Variants in ZNF804B observed in about 807,000 individuals in gnomAD.
ZNF804B encodes the protein zinc finger 804B.
Under a neutral mutation model 101.4 loss-of-function variants are expected in ZNF804B, and 80 were observed. The observed-to-expected ratio is 0.79, with a 90% CI of 0.66 to 0.95. The LOEUF is 0.95. Among genes scored for constraint, ZNF804B ranks in the 40% least tolerant of loss-of-function variants. ZNF804B has a pLI of 0.00. For synonymous variants in ZNF804B, 622 were observed against 558.8 expected (o/e 1.11, Z -1.59); for missense variants, 1,673 against 1,561.9 (o/e 1.07, Z -1.20).
intron 1 of ZNF804B, among the ~76,000 whole-genome samples, chr7:89,126,369 C>T (rs145799930): frequency 2.6e-5 from 4 of 151,914 alleles, no homozygotes; most frequent in East Asian, 3.9e-4. Context: ...TGAATTACAC[C>T]GTCTTGAGAC....
chr7:88,841,048 T>G (rs1320189637), intron 1 of ZNF804B, among the ~76,000 whole-genome samples: 1 of 152,188 alleles, frequency 6.6e-6, no homozygotes, highest in African/African-American at 2.4e-5. Context: ...ACTCAACTCT[T>G]ATCTATCTTC....
At chr7:89,275,516 C>T (rs1789967633) in intron 2 of ZNF804B, among the ~76,000 whole-genome samples, 1 of 151,922 alleles carries the variant, frequency 6.6e-6, no homozygotes, top group African/African-American at 2.4e-5. Context: ...CATCAACCTT[C>T]TAGCTACTCT....
intron 1 of ZNF804B, among the ~76,000 whole-genome samples, chr7:88,801,697 A>C (rs1562797811): frequency 6.6e-6 from 1 of 152,128 alleles, no homozygotes; most frequent in Non-Finnish European, 1.5e-5. Flanking sequence ...GTGAAGAAAA[A>C]ATTTTAAAAA....
chr7:89,096,379 G>A (rs1023628558), intron 1 of ZNF804B, among the ~76,000 whole-genome samples: 1 of 152,054 alleles, frequency 6.6e-6, no homozygotes, highest in African/African-American at 2.4e-5. Flanking sequence ...GGAAAGAGTT[G>A]CCCCAGGACT....
intron 1 of ZNF804B, among the ~76,000 whole-genome samples, chr7:89,145,620 C>T (rs1011364637): frequency 6.6e-6 from 1 of 151,872 alleles, no homozygotes; most frequent in Non-Finnish European, 1.5e-5. Flanking sequence ...CTAATTGTAA[C>T]CTTAAATGAA....
At chr7:88,848,583 A>C (rs1210522682) in intron 1 of ZNF804B, among the ~76,000 whole-genome samples, 1 of 150,838 alleles carries the variant, frequency 6.6e-6, no homozygotes, top group African/African-American at 2.4e-5. Flanking sequence ...ATTGTAAAGT[A>C]TATTTAGATT....
chr7:89,115,904 G>T (rs28459048), intron 1 of ZNF804B, among the ~76,000 whole-genome samples: 63 of 146,108 alleles, frequency 4.3e-4, no homozygotes, highest in East Asian at 3.7e-3. Flanking sequence ...AGGTTTTTTT[G>T]TTTTTTTTTT....
In ZNF804B at chr7:89,024,387, C is replaced by A. The variant is rs150830925; in HGVS notation, c.109-193768C>A. On this transcript the variant is annotated intron_variant, in intron 1 of 3. Coordinates refer to ENST00000333190, the MANE Select transcript of ZNF804B (RefSeq NM_181646.5). ...ATTTTAGCTCACAAACTTAGTGTTT[C>A]CCTTCCTTTTATATGTCATGAAACA... Among the ~76,000 whole-genome samples the A allele has an allele frequency of 3.4e-3, 520 of 152,122 alleles. 2 individuals are homozygous for A. Among genetic ancestry groups the A allele is most frequent in the African/African-American group, 0.012 (503 of 41,518 alleles).
At chr7:88,812,565 A>G (rs1016969486) in intron 1 of ZNF804B, among the ~76,000 whole-genome samples, 2 of 152,194 alleles carry the variant, frequency 1.3e-5, no homozygotes, top group African/African-American at 4.8e-5. Context: ...TTGCCCACCC[A>G]TGTTTATACC....
chr7:89,279,168 A>G (rs1191084095), intron 2 of ZNF804B, among the ~76,000 whole-genome samples: 1 of 152,034 alleles, frequency 6.6e-6, no homozygotes, highest in African/African-American at 2.4e-5. Context: ...TTATTGGTGT[A>G]TAAGAATGCT....
At chr7:88,946,641 CT>C (rs1269315100) in intron 1 of ZNF804B, among the ~76,000 whole-genome samples, 1 of 150,222 alleles carries the variant, frequency 6.7e-6, no homozygotes. Flanking sequence ...AGGAGTCCCT[CT>C]TTTTCTATTC....
chr7:89,056,962 G>A (rs1789305896), intron 1 of ZNF804B, among the ~76,000 whole-genome samples: 1 of 152,124 alleles, frequency 6.6e-6, no homozygotes. Context: ...GCTAAAGTGT[G>A]AAGATCGTTG....
intron 1 of ZNF804B, among the ~76,000 whole-genome samples, chr7:89,078,214 C>T (rs941944713): frequency 1.3e-5 from 2 of 152,050 alleles, no homozygotes; most frequent in Non-Finnish European, 2.9e-5. Flanking sequence ...TTCAGACTTG[C>T]TCAGTAATTT....
intron 1 of ZNF804B, among the ~76,000 whole-genome samples, chr7:89,145,561 C>A (rs559124802): frequency 1.6e-3 from 237 of 152,166 alleles, no homozygotes; most frequent in African/African-American, 5.4e-3. Flanking sequence ...TTATTCAATT[C>A]TTTACAGCCA....
chr7:89,110,493 A>T (rs1790200985), intron 1 of ZNF804B, among the ~76,000 whole-genome samples: 1 of 152,238 alleles, frequency 6.6e-6, no homozygotes, highest in African/African-American at 2.4e-5. Context: ...TGTCAGCATG[A>T]ACAGAGTTAA....
chr7:89,268,098 C>T (rs912031892), intron 2 of ZNF804B, among the ~76,000 whole-genome samples: 1 of 152,094 alleles, frequency 6.6e-6, no homozygotes, highest in Non-Finnish European at 1.5e-5. Context: ...TAATGAGTAT[C>T]TTTCTCCTAT....
intron 1 of ZNF804B, among the ~76,000 whole-genome samples, chr7:88,800,674 T>A (rs1790563687): frequency 6.7e-6 from 1 of 148,416 alleles, no homozygotes; most frequent in African/African-American, 2.5e-5. Flanking sequence ...AAGCTGGGAA[T>A]TAAAAAATAG....
chr7:89,283,626 A>T (rs59215754), intron 2 of ZNF804B, among the ~76,000 whole-genome samples: 18,563 of 152,176 alleles, frequency 0.12, 1,217 homozygotes, highest in Middle Eastern at 0.26. Context: ...CCATGTGTTT[A>T]AATCAGAGTG....
At chr7:89,008,653 C>G (rs1042286619) in intron 1 of ZNF804B, among the ~76,000 whole-genome samples, 1 of 152,136 alleles carries the variant, frequency 6.6e-6, no homozygotes, top group Non-Finnish European at 1.5e-5. Context: ...TCTCCACATT[C>G]TCACCATTAT....
Sources: gnomAD v4.1 joint callset for allele counts (sites outside exome capture counted in the v4.1 genomes callset) on GRCh38, gnomAD v4.1.1 for gene constraint, MANE v1.5 for transcripts, NCBI Gene and HGNC (gene_info 2026-07-23, HGNC 2026-07-21) for gene names.